The following TAFA2 variants were observed in gnomAD, a reference collection of about 807,000 sequenced individuals.
The protein encoded by TAFA2 is TAFA chemokine like family member 2.
TAFA2 carries 7 observed loss-of-function variants against 18.8 expected under a neutral mutation model. The ratio of observed to expected loss-of-function variants is 0.37; its 90% CI spans 0.21 to 0.70. The LOEUF is 0.70. Ranked by LOEUF, TAFA2 falls within the 30% of genes least tolerant of loss-of-function variation. TAFA2 has a pLI of 0.53. For missense variants in TAFA2, 122 were observed against 158.1 expected, an observed-to-expected ratio of 0.77 and a Z score of 1.23; for synonymous variants, 60 against 54.2, an observed-to-expected ratio of 1.11 and a Z score of -0.47.
At chr12:61,797,658 A>G (rs1445091330) in intron 2 of TAFA2, among the ~76,000 whole-genome samples, 2 of 152,152 alleles carry the variant, frequency 1.3e-5, no homozygotes, top group Non-Finnish European at 2.9e-5. Flanking sequence ...TTATAGACTC[A>G]TTTTATTCAA....
intron 1 of TAFA2, among the ~76,000 whole-genome samples, chr12:61,948,742 G>C (rs1032251293): frequency 2.6e-5 from 4 of 152,154 alleles, no homozygotes; most frequent in Non-Finnish European, 4.4e-5. Context: ...TGATATTTGG[G>C]TGTTTGCATT....
chr12:62,181,850 T>A (rs544509243), intron 1 of TAFA2, among the ~76,000 whole-genome samples: 1 of 152,208 alleles, frequency 6.6e-6, no homozygotes, highest in South Asian at 2.1e-4. Flanking sequence ...TAAAGTATTA[T>A]GTCTTCAATC....
At position 61,930,706 on chromosome 12, in the gene TAFA2, C is replaced by T. The variant is rs142458475; in HGVS notation, c.-1-63280G>A. Among the ~76,000 whole-genome samples, 509 of 152,310 alleles carry T rather than the reference C, an allele frequency of 3.3e-3. 1 individual carries two copies. The highest frequency in any genetic ancestry group is 3.8e-3 in the Non-Finnish European group (256 of 68,020). ...GAATATCCCAACAGACTTACTTCCACGCCAGATTCATGTTCCTCAAGGCCT... is the reference window on the plus strand; with the variant it reads ...GAATATCCCAACAGACTTACTTCCATGCCAGATTCATGTTCCTCAAGGCCT... On this transcript the variant is annotated intron_variant, in intron 1 of 4. Transcript: ENST00000416284.
intron 1 of TAFA2, among the ~76,000 whole-genome samples, chr12:62,029,484 T>C (rs1313691700): frequency 1.3e-5 from 2 of 152,154 alleles, no homozygotes; most frequent in African/African-American, 4.8e-5. Context: ...CTGCCAACCC[T>C]AGTAAACAGC....
intron 1 of TAFA2, among the ~76,000 whole-genome samples, chr12:62,181,841 A>G (rs1292381568): frequency 6.6e-6 from 1 of 152,246 alleles, no homozygotes; most frequent in Non-Finnish European, 1.5e-5. Context: ...CCTAAATCAT[A>G]AAGTATTATG....
chr12:62,038,893 C>A (rs139973345), intron 1 of TAFA2, among the ~76,000 whole-genome samples: 157 of 152,226 alleles, frequency 1.0e-3, no homozygotes, highest in African/African-American at 3.6e-3. Context: ...TCATAAAATT[C>A]TCAGGAAAAA....
chr12:61,857,775 G>A (rs2121182975), intron 2 of TAFA2, among the ~76,000 whole-genome samples: 1 of 126,304 alleles, frequency 7.9e-6, no homozygotes, highest in South Asian at 2.7e-4. Flanking sequence ...TCCTTCTCCT[G>A]CACCTCCTCT....
chr12:62,145,530 A>G (rs1277559640), intron 1 of TAFA2: 1 of 152,206 alleles, frequency 6.6e-6, no homozygotes, highest in Non-Finnish European at 1.5e-5. Context: ...GATATAAGGG[A>G]CCTAAAGAAG....
chr12:61,973,304 T>C (rs1382455430), intron 1 of TAFA2, among the ~76,000 whole-genome samples: 1 of 151,544 alleles, frequency 6.6e-6, no homozygotes, highest in Non-Finnish European at 1.5e-5. Context: ...AATCATTTCA[T>C]ATCATATTTT....
intron 1 of TAFA2, among the ~76,000 whole-genome samples, chr12:61,920,882 G>A (rs1877023574): frequency 6.6e-6 from 1 of 151,950 alleles, no homozygotes; most frequent in South Asian, 2.1e-4. Context: ...GTAGGGAGTT[G>A]TCAAAGAAGC....
At chr12:61,721,787 C>G (rs943065446) in intron 4 of TAFA2, among the ~76,000 whole-genome samples, 7 of 152,120 alleles carry the variant, frequency 4.6e-5, no homozygotes, top group Non-Finnish European at 8.8e-5. Context: ...GAAACCCCAT[C>G]TCTACTAAAA....
intron 1 of TAFA2, among the ~76,000 whole-genome samples, chr12:61,938,617 C>T (rs1877872458): frequency 6.6e-6 from 1 of 152,108 alleles, no homozygotes; most frequent in Non-Finnish European, 1.5e-5. Context: ...ATGTTTATTG[C>T]ATCAAAATTC....
chr12:61,760,857 A>G (rs1171221072), intron 2 of TAFA2, among the ~76,000 whole-genome samples: 6 of 150,936 alleles, frequency 4.0e-5, no homozygotes, highest in Admixed American at 3.3e-4. Flanking sequence ...TTCATGTCAC[A>G]ATTCCCAAGT....
intron 1 of TAFA2, among the ~76,000 whole-genome samples, chr12:62,179,930 T>C (rs1419241552): frequency 2.0e-5 from 3 of 152,210 alleles, no homozygotes; most frequent in African/African-American, 4.8e-5. Context: ...CGGTCTGCCA[T>C]ACCATCTGCC....
chr12:62,251,897 T>G (rs2062915934), intron 1 of TAFA2, among the ~76,000 whole-genome samples: 1 of 152,216 alleles, frequency 6.6e-6, no homozygotes, highest in Non-Finnish European at 1.5e-5. Flanking sequence ...AATTCTTTAG[T>G]CATGAAGGAT....
At chr12:61,995,807 T>C (rs1363402576) in intron 1 of TAFA2, among the ~76,000 whole-genome samples, 5 of 152,056 alleles carry the variant, frequency 3.3e-5, no homozygotes, top group South Asian at 2.1e-4. Flanking sequence ...TCCTTGGAGG[T>C]TGATAAAACA....
chr12:61,821,997 A>G (rs1297967975), intron 2 of TAFA2, among the ~76,000 whole-genome samples: 3 of 152,126 alleles, frequency 2.0e-5, no homozygotes, highest in African/African-American at 7.2e-5. Context: ...AATATGAGCT[A>G]AGACAGAAAA....
chr12:61,736,348 T>TG, intron 4 of TAFA2, among the ~76,000 whole-genome samples: 1 of 152,174 alleles, frequency 6.6e-6, no homozygotes, highest in South Asian at 2.1e-4. Context: ...TTTTCTTTTA[T>TG]GGGATGAGGG....
At chr12:61,784,263 T>C (rs186551238) in intron 2 of TAFA2, among the ~76,000 whole-genome samples, 4 of 151,622 alleles carry the variant, frequency 2.6e-5, no homozygotes, top group Non-Finnish European at 5.9e-5. Flanking sequence ...TTTAAATCAT[T>C]TGAAGTTAGG....
Sources: gnomAD v4.1 joint callset for allele counts (sites outside exome capture counted in the v4.1 genomes callset) on GRCh38, gnomAD v4.1.1 for gene constraint, MANE v1.5 for transcripts, NCBI Gene and HGNC (gene_info 2026-07-23, HGNC 2026-07-21) for gene names.